Variants in RBM47 observed in about 807,000 individuals in gnomAD.
RBM47 encodes the protein RNA binding motif protein 47.
In RBM47, 21 loss-of-function variants were observed where a neutral mutation model predicts 47.1. That is an observed-to-expected ratio of 0.45 (90% CI 0.32 to 0.64). The LOEUF is 0.64. Among genes scored for constraint, RBM47 ranks in the 30% least tolerant of loss-of-function variants. RBM47 has a pLI of 0.05. For missense variants in RBM47, 708 were observed against 870.9 expected (o/e 0.81, Z 2.35); for synonymous variants, 375 against 361.7 (o/e 1.04, Z -0.42).
intron 2 of RBM47, among the ~76,000 whole-genome samples, chr4:40,476,727 G>A (rs997869821): frequency 6.6e-5 from 10 of 152,134 alleles, no homozygotes; most frequent in African/African-American, 2.4e-4. Flanking sequence ...GTTGCCTGGA[G>A]GAGGTCCTGA....
chr4:40,519,903 C>A (rs545470318), intron 2 of RBM47, among the ~76,000 whole-genome samples: 1 of 151,960 alleles, frequency 6.6e-6, no homozygotes, highest in African/African-American at 2.4e-5. Flanking sequence ...CTCTTGACTT[C>A]ATGATCCACC....
chr4:40,441,108 AT>A (rs916938594), intron 3 of RBM47, among the ~76,000 whole-genome samples: 4 of 150,214 alleles, frequency 2.7e-5, no homozygotes, highest in African/African-American at 4.9e-5. Context: ...GTTGAAAAAC[AT>A]TTTTTTTTCT....
At chr4:40,565,443 G>A (rs1731003837) in intron 1 of RBM47, among the ~76,000 whole-genome samples, 1 of 152,154 alleles carries the variant, frequency 6.6e-6, no homozygotes, top group African/African-American at 2.4e-5. Flanking sequence ...GGGCAAGGGA[G>A]GCCTGGCCGG....
intron 1 of RBM47, among the ~76,000 whole-genome samples, chr4:40,572,037 AAAG>A (rs1267122261): frequency 2.0e-5 from 3 of 149,764 alleles, no homozygotes; most frequent in Non-Finnish European, 4.5e-5. Flanking sequence ...AGAAAAAAAA[AAAG>A]AATTTATCCA....
chr4:40,528,949 A>AAAAT (rs1553896750), intron 2 of RBM47, among the ~76,000 whole-genome samples: 1,227 of 88,630 alleles, frequency 0.014, 10 homozygotes, highest in Admixed American at 0.023. Context: ...TCTCAAAAAA[A>AAAAT]AAATAAATAA....
chr4:40,496,117 A>T (rs1722530439), intron 2 of RBM47, among the ~76,000 whole-genome samples: 2 of 152,208 alleles, frequency 1.3e-5, no homozygotes, highest in Admixed American at 1.3e-4. Context: ...AAGAAACAAG[A>T]GTAAAGAACA....
Position 40,438,919 on chromosome 4 carries a change from G to A in RBM47, c.-26C>T, listed in dbSNP as rs1214386944. The stretch of plus-strand genomic sequence containing the variant: ...AATGTCAAAGGCATCCACAGCTGGC[G>A]GAAACCTGGGGAAGCAGAAAGAAGC... On this transcript the variant is annotated 5_prime_UTR_variant, in exon 4 of 7. Coordinates refer to ENST00000295971, the MANE Select transcript of RBM47 (RefSeq NM_001098634.2). 2 of 1,501,646 alleles carry A rather than the reference G, an allele frequency of 1.3e-6. No individual in the cohort carries two copies. Among genetic ancestry groups the A allele is most frequent in the East Asian group, 2.4e-5 (1 of 42,452 alleles). 93.0% of individuals were successfully genotyped at this position (1,501,646 alleles called of 1,614,324 possible).
chr4:40,437,176 C>CAT lies in RBM47; in HGVS notation c.1124-531_1124-530dup, dbSNP rs1218027908. On this transcript the variant is annotated intron_variant, in intron 4 of 6. Transcript: ENST00000295971. ...AAAATACATATATATATATATAATA[C>CAT]ATATATATATACTATTAAATAATTT... is the stretch of plus-strand genomic sequence containing the variant. 5.5e-3 allele frequency among the ~76,000 whole-genome samples: 642 copies of CAT among 117,458 alleles called. 13 individuals are homozygous for CAT. The highest frequency in any genetic ancestry group is 0.019 in the African/African-American group (571 of 29,320). 77.1% of individuals were successfully genotyped at this position (117,458 alleles called of 152,430 possible).
chr4:40,526,015 A>C (rs1726669180), intron 2 of RBM47, among the ~76,000 whole-genome samples: 1 of 152,204 alleles, frequency 6.6e-6, no homozygotes, highest in South Asian at 2.1e-4. Flanking sequence ...GGCAACAAGA[A>C]GAAAAAGAAA....
At chr4:40,594,353 T>G (rs574393769) in intron 1 of RBM47, among the ~76,000 whole-genome samples, 16 of 152,316 alleles carry the variant, frequency 1.1e-4, no homozygotes, top group African/African-American at 3.6e-4. Flanking sequence ...TGTACTGAGA[T>G]AGCAAATCTG....
intron 2 of RBM47, among the ~76,000 whole-genome samples, chr4:40,533,433 CA>C (rs1727603586): frequency 1.1e-5 from 1 of 89,576 alleles, no homozygotes. Flanking sequence ...GACTCTGTCT[CA>C]AAAGAAAAAA....
intron 1 of RBM47, among the ~76,000 whole-genome samples, chr4:40,570,654 G>A (rs1731617050): frequency 6.6e-6 from 1 of 151,898 alleles, no homozygotes; most frequent in African/African-American, 2.4e-5. Context: ...GAAAGTTGGA[G>A]AACACAGCAT....
chr4:40,586,521 A>C (rs958759144), intron 1 of RBM47, among the ~76,000 whole-genome samples: 4 of 151,140 alleles, frequency 2.6e-5, no homozygotes, highest in African/African-American at 9.7e-5. Context: ...GAGAGAGTAG[A>C]GGCAGAGATG....
chr4:40,518,150 TTTC>T (rs1725804421), intron 2 of RBM47, among the ~76,000 whole-genome samples: 1 of 139,448 alleles, frequency 7.2e-6, no homozygotes, highest in African/African-American at 2.7e-5. Flanking sequence ...CATTGTTTCT[TTTC>T]TTTTCTTTTT....
chr4:40,464,670 C>T (rs1340953462), intron 3 of RBM47, among the ~76,000 whole-genome samples: 2 of 151,272 alleles, frequency 1.3e-5, no homozygotes, highest in Admixed American at 1.3e-4. Flanking sequence ...GAGGCCGAGG[C>T]GGGAGGATCA....
intron 3 of RBM47, among the ~76,000 whole-genome samples, chr4:40,447,754 T>C (rs1050294186): frequency 3.3e-5 from 5 of 152,150 alleles, no homozygotes; most frequent in African/African-American, 1.2e-4. Flanking sequence ...CTCACGCCTA[T>C]AATCCCAGCA....
At chr4:40,484,653 G>T (rs1249865892) in intron 2 of RBM47, among the ~76,000 whole-genome samples, 1 of 152,060 alleles carries the variant, frequency 6.6e-6, no homozygotes, top group Non-Finnish European at 1.5e-5. Context: ...ATTTCCCTTT[G>T]TTCCCTTCAA....
intron 1 of RBM47, among the ~76,000 whole-genome samples, chr4:40,574,492 T>C (rs1055885559): frequency 6.6e-6 from 1 of 152,172 alleles, no homozygotes; most frequent in Admixed American, 6.5e-5. Flanking sequence ...TGTTTTAGAA[T>C]CTCATAGGTA....
chr4:40,453,329 A>C (rs1262473391), intron 3 of RBM47, among the ~76,000 whole-genome samples: 3 of 152,208 alleles, frequency 2.0e-5, no homozygotes, highest in Non-Finnish European at 4.4e-5. Flanking sequence ...GTGGCTTAGT[A>C]AAGTGCACAA....
Sources: allele counts gnomAD v4.1 joint callset (sites outside exome capture counted in the v4.1 genomes callset), GRCh38; gene constraint gnomAD v4.1.1; transcripts MANE v1.5; gene names NCBI Gene and HGNC (gene_info 2026-07-23, HGNC 2026-07-21).